RAD21: variants seen among roughly 807,000 people sequenced by gnomAD.
The protein encoded by RAD21 is double-strand-break repair protein rad21 homolog.
Under a neutral mutation model 71.5 loss-of-function variants are expected in RAD21, and 18 were observed. That is an observed-to-expected ratio of 0.25 (90% CI 0.17 to 0.37). RAD21 has a LOEUF of 0.37. Among genes scored for constraint, RAD21 ranks in the 10% least tolerant of loss-of-function variants. The pLI is 1.00. For missense variants in RAD21, 493 were observed against 769.1 expected (o/e 0.64, Z 4.25); for synonymous variants, 248 against 254.0 (o/e 0.98, Z 0.22).
At position 116,849,300 on chromosome 8, in the gene RAD21, C is replaced by T. The variant is rs1812306415; in HGVS notation, c.1621-271G>A. On this transcript the variant is annotated intron_variant, in intron 12 of 13. Coordinates refer to ENST00000297338, the MANE Select transcript of RAD21 (RefSeq NM_006265.3). ...TATTGCGCTATAAGGATGCTATCTA[C>T]ACACACTATGTGGTCTGTGGACTGC... 3 of 352,078 alleles carry T rather than the reference C, an allele frequency of 8.5e-6. No individual in the cohort carries two copies. In the South Asian group the frequency reaches 3.8e-4, roughly 45 times the overall value. The allele number at this position is 352,078 out of a possible 1,614,324, so 21.8% of individuals were successfully genotyped here.
chr8:116,863,399 T>C (rs1000513580), intron 2 of RAD21, 140 bp from the exon 3 acceptor site: 1 of 911,724 alleles, frequency 1.1e-6, no homozygotes, highest in South Asian at 2.3e-5. Flanking sequence ...GAATATCGAA[T>C]ATCCTGAAAA....
chr8:116,851,909 T>C, intron 11 of RAD21, 39 bp downstream of exon 11: 2 of 1,574,056 alleles, frequency 1.3e-6, no homozygotes, highest in Non-Finnish European at 1.7e-6. Flanking sequence ...ACTGTATGAA[T>C]ACCTTCAAAT....
In RAD21 at chr8:116,852,698, CG is replaced by C. The variant is rs1188696191; in HGVS notation, c.1171del (p.Arg391AlafsTer65). ...WNNRLLKLFTRCLTPLVPEDL... is the reference protein window; with the variant it reads ...WNNRLLKLFTXCLTPLVPEDL... Reference sequence around the variant, plus strand: ...TTCTGGTACAAGCGGTGTAAGACAGCGTGTAAAGAGCTATTAAAAAAAAAAA... The same window carrying C: ...TTCTGGTACAAGCGGTGTAAGACAGCTGTAAAGAGCTATTAAAAAAAAAAA... On this transcript the variant is annotated frameshift_variant, in exon 10 of 14. Transcript: ENST00000297338. LOFTEE classifies it high-confidence loss of function. 6.6e-7 allele frequency: 1 copy of C among 1,511,700 alleles called. No individual in the cohort carries two copies. Among genetic ancestry groups the C allele is most frequent in the South Asian group, 1.4e-5 (1 of 70,964 alleles). The allele number at this position is 1,511,700 out of a possible 1,614,324, so 93.6% of individuals were successfully genotyped here.
intron 12 of RAD21, among the ~76,000 whole-genome samples, chr8:116,850,377 G>C (rs1485726279): frequency 6.6e-6 from 1 of 152,212 alleles, no homozygotes; most frequent in Non-Finnish European, 1.5e-5. Context: ...AGAAATCAGT[G>C]TAAGGACAAT....
rs1427965949 is a variant in RAD21, at chr8:116,858,333, T to C, written c.481+19A>G. On this transcript the variant is annotated intron_variant, in intron 5 of 13. Coordinates refer to ENST00000297338, the MANE Select transcript of RAD21 (RefSeq NM_006265.3). Reference sequence around the variant, plus strand: ...ATATAACATTATAATTAATGGCTAATAATTTGTTTCTCTTTTACCAAAATC... The same window carrying C: ...ATATAACATTATAATTAATGGCTAACAATTTGTTTCTCTTTTACCAAAATC... 1.9e-6 allele frequency: 3 copies of C among 1,545,284 alleles called. No individual in the cohort carries two copies.
intron 13 of RAD21, 68 bp from the exon 14 acceptor site, chr8:116,847,759 TAC>T: frequency 7.3e-7 from 1 of 1,379,010 alleles, no homozygotes; most frequent in Non-Finnish European, 9.9e-7. Flanking sequence ...AGGATGCTGA[TAC>T]AGTTTGAATA....
At chr8:116,873,709 A>G (rs1362922233) in intron 1 of RAD21, among the ~76,000 whole-genome samples, 1 of 152,020 alleles carries the variant, frequency 6.6e-6, no homozygotes, top group Non-Finnish European at 1.5e-5. Context: ...CCCTCTTACA[A>G]ATTTGAAGAA....
At chr8:116,854,182 A>T in intron 9 of RAD21, 63 bp downstream of exon 9, 1 of 1,311,864 alleles carries the variant, frequency 7.6e-7, no homozygotes, top group Non-Finnish European at 1.1e-6. Flanking sequence ...CAAAGGTTTT[A>T]GAATCTTTTT....
chr8:116,873,237 C>T (rs916281731), intron 1 of RAD21, among the ~76,000 whole-genome samples: 2 of 151,640 alleles, frequency 1.3e-5, no homozygotes, highest in African/African-American at 4.9e-5. Context: ...AATAATTCAC[C>T]AGAAATTCTT....
chr8:116,856,290 T>C lies in RAD21; in HGVS notation c.815-2A>G, dbSNP rs1284975068. On this transcript the variant is annotated splice_acceptor_variant, in intron 7 of 13. Transcript: ENST00000297338. LOFTEE classifies it high-confidence loss of function. ...AATCAGGACTATCAGGCCCACCCACTGTAAAAAAAAAAAAAAAAAAAAAAA... is the reference window on the plus strand; with the variant it reads ...AATCAGGACTATCAGGCCCACCCACCGTAAAAAAAAAAAAAAAAAAAAAAA... The C allele has an allele frequency of 7.6e-7, 1 of 1,311,864 alleles. No homozygotes were observed. The highest frequency in any genetic ancestry group is 2.9e-5 in the East Asian group (1 of 34,768). The allele number at this position is 1,311,864 out of a possible 1,614,324, so 81.3% of individuals were successfully genotyped here. A position where few individuals can be genotyped will look rare whatever the true frequency, so the allele number is the denominator to read the frequency against.
At chr8:116,865,446 T>G (rs1223967583) in intron 2 of RAD21, among the ~76,000 whole-genome samples, 2 of 152,054 alleles carry the variant, frequency 1.3e-5, no homozygotes, top group Non-Finnish European at 2.9e-5. Context: ...TAAAAAAAAT[T>G]GAAAATACCA....
At chr8:116,874,383 C>T (rs1050141717) in intron 1 of RAD21, 3 of 173,360 alleles carry the variant, frequency 1.7e-5, no homozygotes, top group Non-Finnish European at 3.6e-5. Flanking sequence ...ATGATGCGGG[C>T]CCAAGCTGCA....
intron 3 of RAD21, 161 bp downstream of exon 3, chr8:116,862,969 A>G: frequency 1.2e-6 from 1 of 859,532 alleles, no homozygotes; most frequent in South Asian, 2.6e-5. Flanking sequence ...CCCTTGAAGC[A>G]CTGCCTCCCC....
chr8:116,857,321 C>T lies in RAD21; in HGVS notation c.634G>A (p.Glu212Lys). 6.2e-7 allele frequency: 1 copy of T among 1,611,618 alleles called. No homozygotes were observed. Among genetic ancestry groups the T allele is most frequent in the Non-Finnish European group, 8.5e-7 (1 of 1,179,282 alleles). ...LNEKINHLEY[E>K]DQYKDDNFGE... ...AAATTATCATCCTTATATTGATCTTCATATTCTAAATGGTTAATTTTCTCA... is the reference window on the plus strand; with the variant it reads ...AAATTATCATCCTTATATTGATCTTTATATTCTAAATGGTTAATTTTCTCA... Residue 212 changes from glutamate to lysine, a missense_variant, in exon 6 of 14, where the codon GAA (glutamate) becomes AAA (lysine). Coordinates refer to ENST00000297338, the MANE Select transcript of RAD21 (RefSeq NM_006265.3).
chr8:116,854,725 G>A (rs1264892276), intron 8 of RAD21, among the ~76,000 whole-genome samples: 1 of 152,126 alleles, frequency 6.6e-6, no homozygotes, highest in East Asian at 1.9e-4. Flanking sequence ...TAAGCAAAAT[G>A]ACGCAAGGGC....
At chr8:116,871,342 C>G (rs1812819637) in intron 1 of RAD21, among the ~76,000 whole-genome samples, 1 of 152,078 alleles carries the variant, frequency 6.6e-6, no homozygotes, top group South Asian at 2.1e-4. Flanking sequence ...TCATTTTTTT[C>G]TAAAGCGGCA....
At chr8:116,853,747 C>T (rs1024409396) in intron 9 of RAD21, among the ~76,000 whole-genome samples, 3 of 152,112 alleles carry the variant, frequency 2.0e-5, no homozygotes, top group African/African-American at 4.8e-5. Context: ...AGCCTAACAG[C>T]ACTGCTTCAT....
At position 116,862,985 on chromosome 8, in the gene RAD21, T is replaced by G. The variant is rs1304598371; in HGVS notation, c.274+145A>C. ...CCTTGAAGCACTGCCTCCCCAAGCC[T>G]TGCTCTATCTTTGAAGGGTTCCTCG... On this transcript the variant is annotated intron_variant, in intron 3 of 13. Transcript: ENST00000297338. The G allele has an allele frequency of 3.7e-6, 4 of 1,072,706 alleles. No homozygotes were observed. The East Asian group carries it at 1.0e-4, about 28-fold the overall frequency. 66.4% of individuals were successfully genotyped at this position (1,072,706 alleles called of 1,614,324 possible). A position where few individuals can be genotyped will look rare whatever the true frequency, so the allele number is the denominator to read the frequency against.
chr8:116,858,447 A>G lies in RAD21; in HGVS notation c.386T>C (p.Val129Ala), dbSNP rs1812516812. 2.5e-6 allele frequency: 4 copies of G among 1,611,278 alleles called. No homozygotes were observed. The highest frequency in any genetic ancestry group is 2.2e-5 in the South Asian group (2 of 90,616). ...QPLPDLDDID[V>A]AQQFSLNQSR... ...CTGATTCAAGCTGAACTGCTGGGCC[A>G]CATCGATGTCACTTTAAAAGAAGGT... The change falls in exon 5 of 14, where the codon GTG becomes GCG. Residue 129 changes from valine to alanine, a missense_variant. By Grantham distance (64) the Val-to-Ala change is moderately conservative (BLOSUM62 0). This residue lies in a region of RAD21 where 165 missense variants were observed against 229.6 expected (regional missense o/e 0.72). Coordinates refer to ENST00000297338, the MANE Select transcript of RAD21 (RefSeq NM_006265.3).
Sources: gnomAD v4.1 joint callset for allele counts (sites outside exome capture counted in the v4.1 genomes callset) on GRCh38, gnomAD v4.1.1 for gene constraint, gnomAD v4.1.1 regional missense constraint, MANE v1.5 for transcripts, NCBI Gene and HGNC (gene_info 2026-07-23, HGNC 2026-07-21) for gene names.